The following KPNA1 variants were observed in gnomAD, a reference collection of about 807,000 sequenced individuals.
KPNA1 encodes importin subunit alpha-5.
KPNA1 carries 10 observed loss-of-function variants against 70.5 expected under a neutral mutation model. The observed-to-expected ratio is 0.14, with a 90% CI of 0.09 to 0.24. KPNA1 has a LOEUF of 0.24. Ranked by LOEUF, KPNA1 falls within the 10% of genes least tolerant of loss-of-function variation. The probability of loss-of-function intolerance (pLI) is 1.00; values close to 1 mark genes in which losing one functional copy is unlikely to be tolerated. For synonymous variants in KPNA1, 192 were observed against 221.9 expected (o/e 0.87, Z 1.20); for missense variants, 397 against 637.9 (o/e 0.62, Z 4.07).
intron 2 of KPNA1, among the ~76,000 whole-genome samples, chr3:122,484,308 GT>G (rs1576330829): frequency 6.6e-6 from 1 of 152,118 alleles, no homozygotes; most frequent in East Asian, 1.9e-4. Flanking sequence ...TAAGAACTGT[GT>G]ACAAACTGAA....
At chr3:122,430,784 T>C (rs141779478) in intron 12 of KPNA1, among the ~76,000 whole-genome samples, 17 of 152,178 alleles carry the variant, frequency 1.1e-4, no homozygotes, top group African/African-American at 4.1e-4. Flanking sequence ...TGAACATCCA[T>C]ACAGAAAAAT....
At chr3:122,506,658 C>T (rs1305459201) in intron 1 of KPNA1, among the ~76,000 whole-genome samples, 5 of 152,200 alleles carry the variant, frequency 3.3e-5, no homozygotes, top group African/African-American at 1.2e-4. Context: ...GTGTTCATCT[C>T]TGGCCTCATC....
rs991611788 is a variant in KPNA1, at chr3:122,460,139, G to A, written c.432+1085C>T. On this transcript the variant is annotated intron_variant, in intron 5 of 13. Coordinates refer to ENST00000344337, the MANE Select transcript of KPNA1 (RefSeq NM_002264.4). ...GCATAGTCTCAGGGCCCAAGCCTTT[G>A]AGATTAGATCCTACAGGTGAGAATT... 18 of 985,178 alleles carry A rather than the reference G, an allele frequency of 1.8e-5. No individual in the cohort carries two copies. In the South Asian group the frequency reaches 8.0e-4, roughly 44 times the overall value. The allele number at this position is 985,178 out of a possible 1,614,324, so 61.0% of individuals were successfully genotyped here. A position where few individuals can be genotyped will look rare whatever the true frequency, so the allele number is the denominator to read the frequency against.
intron 12 of KPNA1, 105 bp from the exon 13 acceptor site, chr3:122,427,821 A>AC (rs1201783316): frequency 1.5e-5 from 10 of 670,586 alleles, no homozygotes; most frequent in Non-Finnish European, 2.3e-5. Flanking sequence ...CTTAAAAAAA[A>AC]AAACAAAAAA....
At chr3:122,463,221 G>A (rs1004475062) in intron 4 of KPNA1, among the ~76,000 whole-genome samples, 7 of 152,106 alleles carry the variant, frequency 4.6e-5, no homozygotes, top group South Asian at 4.2e-4. Flanking sequence ...GGTGGCGAGC[G>A]CCTGTAGTCC....
At chr3:122,462,128 A>C (rs971386856) in intron 4 of KPNA1, among the ~76,000 whole-genome samples, 2 of 152,210 alleles carry the variant, frequency 1.3e-5, no homozygotes, top group African/African-American at 4.8e-5. Flanking sequence ...GTAAGCACAA[A>C]AAAACAAATT....
chr3:122,441,911 A>C, intron 10 of KPNA1, 127 bp downstream of exon 10: 1 of 796,610 alleles, frequency 1.3e-6, no homozygotes, highest in South Asian at 1.6e-5. Flanking sequence ...CAACATTTTT[A>C]AACATTAGTG....
intron 2 of KPNA1, among the ~76,000 whole-genome samples, chr3:122,485,962 T>C (rs2076624644): frequency 1.3e-5 from 2 of 152,150 alleles, no homozygotes; most frequent in Non-Finnish European, 1.5e-5. Flanking sequence ...ATAGCTGAAA[T>C]AGAAAAGACT....
chr3:122,499,351 T>C (rs1004199427), intron 1 of KPNA1, among the ~76,000 whole-genome samples: 7 of 152,238 alleles, frequency 4.6e-5, no homozygotes, highest in Admixed American at 1.3e-4. Flanking sequence ...GGCTGAGAAG[T>C]TCCCTCTTAT....
At chr3:122,428,870 T>C (rs2075859770) in intron 12 of KPNA1, among the ~76,000 whole-genome samples, 1 of 152,170 alleles carries the variant, frequency 6.6e-6, no homozygotes. Flanking sequence ...CTTAACTCAA[T>C]CTTTGAGGCC....
rs952478636 is a variant in KPNA1, at chr3:122,423,753, C to T, written c.*3232G>A. On this transcript the variant is annotated 3_prime_UTR_variant, in exon 14 of 14. Coordinates refer to ENST00000344337, the MANE Select transcript of KPNA1 (RefSeq NM_002264.4). ...TACATATTGTTTCTTAGGCAAAAATCGGCAGCAATCTGGAATAATTCAGAT... is the reference window on the plus strand; with the variant it reads ...TACATATTGTTTCTTAGGCAAAAATTGGCAGCAATCTGGAATAATTCAGAT... 1.3e-5 allele frequency: 2 copies of T among 152,490 alleles called. No homozygotes were observed. Among genetic ancestry groups the T allele is most frequent in the Non-Finnish European group, 2.9e-5 (2 of 67,992 alleles). The allele number at this position is 152,490 out of a possible 1,614,324, so 9.4% of individuals were successfully genotyped here.
chr3:122,449,183 A>C (rs1035658192), intron 9 of KPNA1, among the ~76,000 whole-genome samples: 2 of 152,248 alleles, frequency 1.3e-5, no homozygotes, highest in Non-Finnish European at 2.9e-5. Flanking sequence ...GAGATGATAA[A>C]GCAAAATAAG....
chr3:122,464,167 G>C, intron 3 of KPNA1, 126 bp from the exon 4 acceptor site: 1 of 458,460 alleles, frequency 2.2e-6, no homozygotes. Context: ...CATAAAGGTA[G>C]GACAATCTTT....
chr3:122,504,911 CT>C (rs372328991), intron 1 of KPNA1, among the ~76,000 whole-genome samples: 76 of 141,522 alleles, frequency 5.4e-4, no homozygotes, highest in Admixed American at 8.3e-4. Flanking sequence ...GGGAGAGACT[CT>C]TTTTTTTTTT....
At chr3:122,443,711 T>C (rs1347573628) in intron 9 of KPNA1, among the ~76,000 whole-genome samples, 1 of 152,170 alleles carries the variant, frequency 6.6e-6, no homozygotes, top group Non-Finnish European at 1.5e-5. Flanking sequence ...AAACCAGCAA[T>C]ATTTTATTAG....
At chr3:122,436,173 C>A (rs1256881182) in intron 11 of KPNA1, among the ~76,000 whole-genome samples, 1 of 152,186 alleles carries the variant, frequency 6.6e-6, no homozygotes, top group East Asian at 1.9e-4. Context: ...TCTCCCTTAG[C>A]GCTCCCAGGC....
At chr3:122,442,346 G>T (rs2076075928) in intron 9 of KPNA1, among the ~76,000 whole-genome samples, 1 of 152,064 alleles carries the variant, frequency 6.6e-6, no homozygotes, top group African/African-American at 2.4e-5. Context: ...TCTTTCCTAG[G>T]AATCTTTCCC....
At chr3:122,505,421 AG>A (rs1428244448) in intron 1 of KPNA1, among the ~76,000 whole-genome samples, 1 of 152,202 alleles carries the variant, frequency 6.6e-6, no homozygotes. Context: ...TAGCTTTGAT[AG>A]GAAAGAAAGG....
Position 122,438,681 on chromosome 3 carries a change from C to G in KPNA1, c.997-1386G>C, listed in dbSNP as rs891994769. On this transcript the variant is annotated intron_variant, in intron 10 of 13. Transcript: ENST00000344337. Reference sequence around the variant, plus strand: ...GATTACAGGCAGGAGCCACCACGCTCGGCCAGGTATTTCTTTATAGCAATG... The same window carrying G: ...GATTACAGGCAGGAGCCACCACGCTGGGCCAGGTATTTCTTTATAGCAATG... Among the ~76,000 whole-genome samples the G allele has an allele frequency of 2.6e-5, 4 of 152,120 alleles. No homozygotes were observed. In the South Asian group the frequency reaches 8.3e-4, roughly 31 times the overall value.
Sources: gnomAD v4.1 joint callset for allele counts (sites outside exome capture counted in the v4.1 genomes callset) on GRCh38, gnomAD v4.1.1 for gene constraint, MANE v1.5 for transcripts, NCBI Gene and HGNC (gene_info 2026-07-23, HGNC 2026-07-21) for gene names.